Variants in CHST11 observed in about 807,000 individuals in gnomAD.
The protein encoded by CHST11 is carbohydrate sulfotransferase 11, also known as C4S-1.
A neutral mutation model predicts 30.4 loss-of-function variants in CHST11; 9 were observed. The ratio of observed to expected loss-of-function variants is 0.30; its 90% CI spans 0.18 to 0.52. The LOEUF is 0.52. Among genes scored for constraint, CHST11 ranks in the 20% least tolerant of loss-of-function variants. The probability of loss-of-function intolerance (pLI) is 0.97; values close to 1 mark genes in which losing one functional copy is unlikely to be tolerated. For missense variants in CHST11, 348 were observed against 460.6 expected, an observed-to-expected ratio of 0.76 and a Z score of 2.24; for synonymous variants, 152 against 187.8, an observed-to-expected ratio of 0.81 and a Z score of 1.56.
chr12:104,709,524 A>G (rs1328816714), intron 2 of CHST11, among the ~76,000 whole-genome samples: 1 of 152,178 alleles, frequency 6.6e-6, no homozygotes, highest in African/African-American at 2.4e-5. Context: ...AGCTTGTGCA[A>G]ATGAAAGAGT....
At chr12:104,595,997 G>A (rs1213786538) in intron 1 of CHST11, among the ~76,000 whole-genome samples, 1 of 152,198 alleles carries the variant, frequency 6.6e-6, no homozygotes, top group African/African-American at 2.4e-5. Context: ...TAGACTGGTT[G>A]GTCACTCTAG....
At chr12:104,602,873 G>A (rs916787046) in intron 2 of CHST11, among the ~76,000 whole-genome samples, 9 of 152,328 alleles carry the variant, frequency 5.9e-5, no homozygotes, top group African/African-American at 2.2e-4. Flanking sequence ...CCTCAAAGGT[G>A]TCGAATTTTT....
chr12:104,716,600 A>G (rs1015362317), intron 2 of CHST11, among the ~76,000 whole-genome samples: 13 of 152,232 alleles, frequency 8.5e-5, no homozygotes, highest in Non-Finnish European at 1.6e-4. Flanking sequence ...TGTCTTCTTC[A>G]TTGCTGTGTC....
intron 1 of CHST11, among the ~76,000 whole-genome samples, chr12:104,463,768 A>G (rs904675861): frequency 1.2e-4 from 19 of 152,226 alleles, no homozygotes; most frequent in Non-Finnish European, 2.5e-4. Flanking sequence ...AGACACCTGC[A>G]GGAAATGAAG....
chr12:104,468,809 C>T (rs2037482581), intron 1 of CHST11, among the ~76,000 whole-genome samples: 1 of 152,120 alleles, frequency 6.6e-6, no homozygotes, highest in South Asian at 2.1e-4. Context: ...TTGGTCCCCT[C>T]ATTTGCCAAG....
intron 2 of CHST11, among the ~76,000 whole-genome samples, chr12:104,722,763 T>TG (rs921240672): frequency 1.3e-5 from 2 of 151,856 alleles, no homozygotes; most frequent in African/African-American, 4.8e-5. Context: ...TGCTGATACC[T>TG]GGGGGGAGGT....
chr12:104,747,132 C>T (rs2040394118), intron 2 of CHST11, among the ~76,000 whole-genome samples: 1 of 152,172 alleles, frequency 6.6e-6, no homozygotes, highest in African/African-American at 2.4e-5. Context: ...GGGACTCAGT[C>T]CTCAGTGTTT....
chr12:104,727,771 T>C (rs1045552665), intron 2 of CHST11, among the ~76,000 whole-genome samples: 1 of 152,204 alleles, frequency 6.6e-6, no homozygotes, highest in East Asian at 1.9e-4. Flanking sequence ...GACACAGCCA[T>C]GAAAATGGCA....
intron 1 of CHST11, among the ~76,000 whole-genome samples, chr12:104,495,498 AT>A (rs150918318): frequency 6.6e-6 from 1 of 151,040 alleles, no homozygotes; most frequent in Non-Finnish European, 1.5e-5. Context: ...TTCTAATTTT[AT>A]TTTTTTTTGA....
intron 1 of CHST11, among the ~76,000 whole-genome samples, chr12:104,597,776 A>G (rs7313629): frequency 0.31 from 47,339 of 151,806 alleles, 7,617 homozygotes; most frequent in East Asian, 0.5. Flanking sequence ...ATTTTGATGA[A>G]TCCTGTTGTA....
intron 2 of CHST11, among the ~76,000 whole-genome samples, chr12:104,636,044 G>A (rs1467663493): frequency 6.6e-6 from 1 of 152,146 alleles, no homozygotes; most frequent in African/African-American, 2.4e-5. Flanking sequence ...CTATAAGCTT[G>A]CCATGAGGTT....
chr12:104,555,926 G>C (rs1197744367), intron 1 of CHST11, among the ~76,000 whole-genome samples: 1 of 152,254 alleles, frequency 6.6e-6, no homozygotes, highest in Non-Finnish European at 1.5e-5. Flanking sequence ...AGAAAGGAAG[G>C]TGTCTGTCCT....
intron 1 of CHST11, among the ~76,000 whole-genome samples, chr12:104,481,777 T>C (rs1322566548): frequency 1.3e-5 from 2 of 149,658 alleles, no homozygotes; most frequent in East Asian, 4.2e-4. Flanking sequence ...GTTTCCTTCC[T>C]TCTTTCCTTC....
intron 2 of CHST11, among the ~76,000 whole-genome samples, chr12:104,726,563 A>C (rs1486118463): frequency 1.3e-5 from 2 of 152,120 alleles, no homozygotes; most frequent in Non-Finnish European, 2.9e-5. Context: ...TGGACAGAGG[A>C]GGCAACATGC....
intron 2 of CHST11, among the ~76,000 whole-genome samples, chr12:104,670,496 TACAC>T (rs2039681988): frequency 7.1e-6 from 1 of 140,932 alleles, no homozygotes; most frequent in South Asian, 2.3e-4. Context: ...CTCACACTCA[TACAC>T]ACTCACACAA....
chr12:104,568,331 C>T (rs544823080), intron 1 of CHST11, among the ~76,000 whole-genome samples: 1 of 152,326 alleles, frequency 6.6e-6, no homozygotes, highest in South Asian at 2.1e-4. Context: ...CCAGTGGCCC[C>T]CCTCCCACTG....
chr12:104,659,550 A>G (rs1566026620), intron 2 of CHST11, among the ~76,000 whole-genome samples: 5 of 152,192 alleles, frequency 3.3e-5, no homozygotes, highest in Admixed American at 1.3e-4. Flanking sequence ...GGTTAAATAC[A>G]TACCATATTT....
intron 2 of CHST11, among the ~76,000 whole-genome samples, chr12:104,684,920 C>T (rs1370394184): frequency 6.6e-6 from 1 of 152,242 alleles, no homozygotes; most frequent in African/African-American, 2.4e-5. Context: ...AACCTCTTCC[C>T]TCCAAAGACT....
At position 104,676,368 on chromosome 12, in the gene CHST11, A is replaced by G. The variant is rs1422319199; in HGVS notation, c.204+74377A>G. On this transcript the variant is annotated intron_variant, in intron 2 of 2. Transcript: ENST00000303694. The surrounding 1 kb of genome is among the most constrained non-coding windows in gnomAD (Gnocchi z 4.4). ...TCTGAATTTTTTGGCTCATGGCCGC[A>G]TCTCCTCAACTCTGCTTCCATTGTC... 6.6e-6 allele frequency among the ~76,000 whole-genome samples: 1 copy of G among 152,138 alleles called. No individual in the cohort carries two copies. Among genetic ancestry groups the G allele is most frequent in the Non-Finnish European group, 1.5e-5 (1 of 68,032 alleles).
Sources: gnomAD v4.1 joint callset for allele counts (sites outside exome capture counted in the v4.1 genomes callset) on GRCh38, gnomAD v4.1.1 for gene constraint, Gnocchi (gnomAD v3.1) non-coding constraint, MANE v1.5 for transcripts, NCBI Gene and HGNC (gene_info 2026-07-23, HGNC 2026-07-21) for gene names.